The following DNAJC10 variants were observed in gnomAD, a reference collection of about 807,000 sequenced individuals.
The protein encoded by DNAJC10 is DnaJ heat shock protein family (Hsp40) member C10, also known as endoplasmic reticulum disulfide reductase DNAJC10.
Under a neutral mutation model 115.0 loss-of-function variants are expected in DNAJC10, and 101 were observed. The ratio of observed to expected loss-of-function variants is 0.88; its 90% CI spans 0.75 to 1.04. DNAJC10 has a LOEUF of 1.04. DNAJC10 is among the 50% of genes least tolerant of loss of function. The pLI is 0.00. For missense variants in DNAJC10, 981 were observed against 928.8 expected (o/e 1.06, Z -0.73); for synonymous variants, 307 against 301.5 (o/e 1.02, Z -0.19).
At chr2:182,737,770 A>G (rs1246684752) in intron 11 of DNAJC10, among the ~76,000 whole-genome samples, 2 of 152,146 alleles carry the variant, frequency 1.3e-5, no homozygotes, top group African/African-American at 4.8e-5. Context: ...GTTTTTTCCC[A>G]TATTATTTGA....
chr2:182,759,341 A>G, intron 21 of DNAJC10, 34 bp downstream of exon 21: 1 of 1,570,346 alleles, frequency 6.4e-7, no homozygotes, highest in Non-Finnish European at 8.6e-7. Context: ...AGTTGTAGCC[A>G]CATTCATGTT....
At chr2:182,762,600 A>G in intron 21 of DNAJC10, 82 bp from the exon 22 acceptor site, 1 of 1,381,162 alleles carries the variant, frequency 7.2e-7, no homozygotes, top group South Asian at 1.3e-5. Flanking sequence ...TAGATTCAAA[A>G]TGTTTTATAT....
At position 182,779,314 on chromosome 2, in the gene DNAJC10, G is replaced by C. The variant is rs1694787767; in HGVS notation, c.*2182G>C. 6.6e-6 allele frequency: 1 copy of C among 152,216 alleles called. No homozygotes were observed. The highest frequency in any genetic ancestry group is 1.5e-5 in the Non-Finnish European group (1 of 68,062). The allele number at this position is 152,216 out of a possible 1,614,324, so 9.4% of individuals were successfully genotyped here. A position where few individuals can be genotyped will look rare whatever the true frequency, so the allele number is the denominator to read the frequency against. The stretch of plus-strand genomic sequence containing the variant: ...ACAGTAGATAGAGCACCTCTAAGGA[G>C]TACCAGGTATAATGTGCCATTTCTC... On this transcript the variant is annotated 3_prime_UTR_variant, in exon 24 of 24. Coordinates refer to ENST00000264065, the MANE Select transcript of DNAJC10 (RefSeq NM_018981.4).
chr2:182,731,030 G>A lies in DNAJC10; in HGVS notation c.728G>A (p.Gly243Glu), dbSNP rs1693431557. Residue 243 changes from glycine to glutamate, a missense_variant and splice_region_variant, in exon 9 of 24, where the codon GGA becomes GAA. Physicochemically the swap from Gly to Glu is moderately conservative, Grantham distance 98 (BLOSUM62 -2). Coordinates refer to ENST00000264065, the MANE Select transcript of DNAJC10 (RefSeq NM_018981.4). Reference sequence around the variant, plus strand: ...TTGCTTTTTTTCTTTTATTTTTAAGGAAATTTTGTCAACTCCATACAAACT... The same window carrying A: ...TTGCTTTTTTTCTTTTATTTTTAAGAAAATTTTGTCAACTCCATACAAACT... ...VRSTVTELWT[G>E]NFVNSIQTAF... The A allele has an allele frequency of 6.2e-7, 1 of 1,606,278 alleles. No homozygotes were observed. The highest frequency in any genetic ancestry group is 8.5e-7 in the Non-Finnish European group (1 of 1,177,282).
At chr2:182,765,328 A>G (rs1694383963) in intron 22 of DNAJC10, among the ~76,000 whole-genome samples, 1 of 152,120 alleles carries the variant, frequency 6.6e-6, no homozygotes, top group Non-Finnish European at 1.5e-5. Flanking sequence ...GCATCTATCA[A>G]CCTCCTGTCC....
chr2:182,757,514 G>A (rs1400440954), intron 18 of DNAJC10, among the ~76,000 whole-genome samples, 178 bp from the exon 19 acceptor site: 1 of 152,054 alleles, frequency 6.6e-6, no homozygotes, highest in East Asian at 1.9e-4. Context: ...TACAAAATTA[G>A]ATTACAAATT....
rs1158303781 is a variant in DNAJC10 at position 182,793,470 on chromosome 2, G to A, written c.*16338G>A. ...AACAATTCATCCATCAGGCAGCACT[G>A]AGAACCAGAAGACATTCAGAGAGCT... On this transcript the variant is annotated 3_prime_UTR_variant, in exon 24 of 24. Coordinates refer to ENST00000264065, the MANE Select transcript of DNAJC10 (RefSeq NM_018981.4). 6.6e-6 allele frequency: 1 copy of A among 152,132 alleles called. No individual in the cohort carries two copies. Among genetic ancestry groups the A allele is most frequent in the Non-Finnish European group, 1.5e-5 (1 of 68,032 alleles). 9.4% of individuals were successfully genotyped at this position (152,132 alleles called of 1,614,324 possible).
Position 182,777,243 on chromosome 2 carries a change from C to T in DNAJC10, c.*111C>T. On this transcript the variant is annotated 3_prime_UTR_variant, in exon 24 of 24. Transcript: ENST00000264065. The stretch of plus-strand genomic sequence containing the variant: ...GGGAATGAATGAACATTATCTTAGA[C>T]TTGCAGTTGTACTGCCAGAATTATC... 1.5e-6 allele frequency: 1 copy of T among 680,836 alleles called. No individual in the cohort carries two copies. Among genetic ancestry groups the T allele is most frequent in the South Asian group, 4.3e-5 (1 of 23,172 alleles). 42.2% of individuals were successfully genotyped at this position (680,836 alleles called of 1,614,324 possible).
chr2:182,729,747 A>C, intron 7 of DNAJC10, 101 bp from the exon 8 acceptor site: 1 of 665,810 alleles, frequency 1.5e-6, no homozygotes, highest in Non-Finnish European at 2.5e-6. Flanking sequence ...GCTTTGCTGC[A>C]TTATTCAAGA....
At position 182,779,167 on chromosome 2, in the gene DNAJC10, G is replaced by C. The variant is rs1043128427; in HGVS notation, c.*2035G>C. The C allele has an allele frequency of 1.3e-5, 2 of 152,178 alleles. No individual in the cohort carries two copies. The highest frequency in any genetic ancestry group is 6.5e-5 in the Admixed American group (1 of 15,270). 9.4% of individuals were successfully genotyped at this position (152,178 alleles called of 1,614,324 possible). ...AGCTCTAAGCCAGGGCCCCCTGGGA[G>C]TCATGTTAAGAAACACGTATCATAA... On this transcript the variant is annotated 3_prime_UTR_variant, in exon 24 of 24. Coordinates refer to ENST00000264065, the MANE Select transcript of DNAJC10 (RefSeq NM_018981.4).
chr2:182,767,637 T>A (rs1694447802), intron 22 of DNAJC10, among the ~76,000 whole-genome samples: 1 of 152,178 alleles, frequency 6.6e-6, no homozygotes, highest in South Asian at 2.1e-4. Flanking sequence ...CAAGAATGAG[T>A]TCTCAGACAA....
At chr2:182,770,924 G>A (rs907919199) in intron 22 of DNAJC10, among the ~76,000 whole-genome samples, 3 of 152,152 alleles carry the variant, frequency 2.0e-5, no homozygotes, top group Non-Finnish European at 2.9e-5. Context: ...TGCCCATTCA[G>A]TATAATATTG....
Position 182,751,130 on chromosome 2 carries a change from CTTTTTTTTTTTTT to C in DNAJC10, c.1307-515_1307-503del, listed in dbSNP as rs773393648. Among the ~76,000 whole-genome samples the C allele has an allele frequency of 3.1e-3, 264 of 85,194 alleles. 1 individual carries two copies. Among genetic ancestry groups the C allele is most frequent in the African/African-American group, 0.012 (253 of 21,030 alleles). The allele number at this position is 85,194 out of a possible 152,430, so 55.9% of individuals were successfully genotyped here. ...AGGGAACATTTCAAAGAGATTTTGA[CTTTTTTTTTTTTT>C]TTTTTTTTTTTTGAAATGGAGTCTC... On this transcript the variant is annotated intron_variant, in intron 14 of 23. Transcript: ENST00000264065.
intron 6 of DNAJC10, 96 bp downstream of exon 6, chr2:182,728,754 T>G: frequency 6.7e-7 from 1 of 1,499,216 alleles, no homozygotes; most frequent in Admixed American, 1.9e-5. Context: ...TAATCAAAAA[T>G]AATTATCAAA....
At position 182,788,824 on chromosome 2, in the gene DNAJC10, A is replaced by G. The variant is rs766494094; in HGVS notation, c.*11692A>G. On this transcript the variant is annotated 3_prime_UTR_variant, in exon 24 of 24. Coordinates refer to ENST00000264065, the MANE Select transcript of DNAJC10 (RefSeq NM_018981.4). ...GACTTTATGATCACTTAGTATGTCT[A>G]CGGATTTTTTGGGGAAGAGAGATTT... is the stretch of plus-strand genomic sequence containing the variant. 2.6e-5 allele frequency: 12 copies of G among 456,560 alleles called. No individual in the cohort carries two copies. Among genetic ancestry groups the G allele is most frequent in the South Asian group, 1.9e-4 (12 of 64,294 alleles). The allele number at this position is 456,560 out of a possible 1,614,324, so 28.3% of individuals were successfully genotyped here.
rs1694816329 is a variant in DNAJC10, at chr2:182,780,318, G to A, written c.*3186G>A. On this transcript the variant is annotated 3_prime_UTR_variant, in exon 24 of 24. Coordinates refer to ENST00000264065, the MANE Select transcript of DNAJC10 (RefSeq NM_018981.4). The stretch of plus-strand genomic sequence containing the variant: ...TCCCCAGTGGTAATGAGTTCCTGCT[G>A]TGTTTATTCCTGCAAGAGCTGGTTG... The A allele has an allele frequency of 1.3e-5, 2 of 152,106 alleles. No homozygotes were observed. The highest frequency in any genetic ancestry group is 6.6e-5 in the Admixed American group (1 of 15,256). 9.4% of individuals were successfully genotyped at this position (152,106 alleles called of 1,614,324 possible). A position where few individuals can be genotyped will look rare whatever the true frequency, so the allele number is the denominator to read the frequency against.
intron 4 of DNAJC10, 99 bp downstream of exon 4, chr2:182,720,268 C>A: frequency 1.1e-6 from 1 of 941,362 alleles, no homozygotes; most frequent in Non-Finnish European, 1.6e-6. Context: ...AGATGCGTCA[C>A]TTTGATTAGC....
At chr2:182,734,490 A>T (rs1403816702) in intron 10 of DNAJC10, among the ~76,000 whole-genome samples, 1 of 151,770 alleles carries the variant, frequency 6.6e-6, no homozygotes, top group African/African-American at 2.4e-5. Context: ...ATGGCCCAAC[A>T]TATGGTAAAT....
At chr2:182,775,758 GA>G (rs1255862960) in intron 23 of DNAJC10, among the ~76,000 whole-genome samples, 1 of 152,166 alleles carries the variant, frequency 6.6e-6, no homozygotes, top group African/African-American at 2.4e-5. Flanking sequence ...TGTATCCATT[GA>G]ATAGAATATT....
Sources: gnomAD v4.1 joint callset for allele counts (sites outside exome capture counted in the v4.1 genomes callset) on GRCh38, gnomAD v4.1.1 for gene constraint, MANE v1.5 for transcripts, NCBI Gene and HGNC (gene_info 2026-07-23, HGNC 2026-07-21) for gene names.